The following TXNRD2 variants were observed in gnomAD, a reference collection of about 807,000 sequenced individuals.
TXNRD2 encodes thioredoxin reductase 2, also known as thioredoxin reductase 2, mitochondrial.
TXNRD2 carries 67 observed loss-of-function variants against 70.8 expected under a neutral mutation model. That is an observed-to-expected ratio of 0.95 (90% CI 0.78 to 1.16). The LOEUF is 1.16. Among genes scored for constraint, TXNRD2 ranks in the 50% most tolerant of loss-of-function variants. TXNRD2 has a pLI of 0.00. For missense variants in TXNRD2, 644 were observed against 719.9 expected (o/e 0.89, Z 1.21); for synonymous variants, 301 against 295.8 (o/e 1.02, Z -0.18).
intron 2 of TXNRD2, among the ~76,000 whole-genome samples, chr22:19,928,443 T>C (rs1323791023): frequency 1.3e-5 from 2 of 152,174 alleles, no homozygotes; most frequent in Non-Finnish European, 2.9e-5. Context: ...TCAAGGTCAT[T>C]ACCCTGAGTG....
At chr22:19,929,325 T>TAA (rs1941273306) in intron 2 of TXNRD2, among the ~76,000 whole-genome samples, 1 of 100,938 alleles carries the variant, frequency 9.9e-6, no homozygotes, top group Admixed American at 1.1e-4. Context: ...AGACTCCATC[T>TAA]CAAAAAAAAA....
chr22:19,885,543 CA>C (rs1044614339), intron 11 of TXNRD2, among the ~76,000 whole-genome samples: 4 of 152,358 alleles, frequency 2.6e-5, no homozygotes, highest in African/African-American at 7.2e-5. Context: ...AGCCCAGACA[CA>C]GGGGATGCCA....
chr22:19,880,143 G>A (rs754176910), intron 14 of TXNRD2, 36 bp downstream of exon 14: 45 of 1,602,070 alleles, frequency 2.8e-5, no homozygotes, highest in Non-Finnish European at 3.3e-5. Flanking sequence ...TCGTGGAGTC[G>A]CCACTGTCCT....
chr22:19,894,924 G>A lies in TXNRD2; in HGVS notation c.949+483C>T, dbSNP rs1939428022. On this transcript the variant is annotated intron_variant, in intron 11 of 17. Transcript: ENST00000400521. Reference sequence around the variant, plus strand: ...AATCGCTTGAACCCGGGAGGCGGAGGTTGCCACTGCACTCCAGCCTGGGCG... The same window carrying A: ...AATCGCTTGAACCCGGGAGGCGGAGATTGCCACTGCACTCCAGCCTGGGCG... 3 of 1,253,908 alleles carry A rather than the reference G, an allele frequency of 2.4e-6. No homozygotes were observed. In the East Asian group the frequency reaches 9.3e-5, roughly 39 times the overall value. The allele number at this position is 1,253,908 out of a possible 1,614,324, so 77.7% of individuals were successfully genotyped here.
In TXNRD2 at chr22:19,940,275, A is replaced by G. The variant is rs991495477; in HGVS notation, c.103+1426T>C. ...AAAAAAAAAAAAAAAAACCCCAAAA[A>G]AACAACTCATATGGTTTAGTAACAG... On this transcript the variant is annotated intron_variant, in intron 1 of 17. Coordinates refer to ENST00000400521, the MANE Select transcript of TXNRD2 (RefSeq NM_006440.5). Among the ~76,000 whole-genome samples the G allele has an allele frequency of 2.6e-4, 39 of 150,234 alleles. No individual in the cohort carries two copies. The East Asian group carries it at 7.4e-3, about 29-fold the overall frequency.
chr22:19,907,116 G>C (rs373929358), intron 8 of TXNRD2, among the ~76,000 whole-genome samples: 691 of 62,616 alleles, frequency 0.011, no homozygotes, highest in South Asian at 0.028. Context: ...TAGCAGTGAC[G>C]GCTCTCAGGA....
Position 19,883,364 on chromosome 22 carries a change from G to C in TXNRD2, c.1047C>G (p.Thr349=). ...CAATGGCGTAGATGTGGGGCACAGA[G>C]GTGGCTTCCCGGGAGTCCACCAGGA... ...QKILVDSREA[T]SVPHIYAIGD... Residue 349 remains threonine, a synonymous_variant, in exon 12 of 18, where the codon ACC becomes ACG. Transcript: ENST00000400521. 1 of 1,614,072 alleles carries C rather than the reference G, an allele frequency of 6.2e-7. No individual in the cohort carries two copies. Among genetic ancestry groups the C allele is most frequent in the South Asian group, 1.1e-5 (1 of 91,090 alleles).
intron 2 of TXNRD2, among the ~76,000 whole-genome samples, chr22:19,926,032 G>A (rs996711772): frequency 2.0e-5 from 3 of 151,732 alleles, no homozygotes; most frequent in Non-Finnish European, 4.4e-5. Context: ...GCGTGGTGGT[G>A]CATGCCTGTA....
intron 8 of TXNRD2, among the ~76,000 whole-genome samples, chr22:19,906,008 T>C (rs1352536089): frequency 6.6e-6 from 1 of 150,764 alleles, no homozygotes; most frequent in Non-Finnish European, 1.5e-5. Flanking sequence ...TTAAGTTACA[T>C]TAAAAAAAAC....
intron 11 of TXNRD2, among the ~76,000 whole-genome samples, chr22:19,884,956 C>T (rs1199381946): frequency 6.6e-6 from 1 of 152,184 alleles, no homozygotes; most frequent in Non-Finnish European, 1.5e-5. Context: ...CCAAACTACA[C>T]CGTGCCCATT....
chr22:19,880,107 G>C, intron 14 of TXNRD2, 72 bp downstream of exon 14: 1 of 1,511,190 alleles, frequency 6.6e-7, no homozygotes, highest in Non-Finnish European at 9.1e-7. Flanking sequence ...TGCTCACAAG[G>C]CCTCCGCCCA....
intron 7 of TXNRD2, among the ~76,000 whole-genome samples, chr22:19,912,950 G>GTGGCCTCT (rs1940480087): frequency 6.6e-6 from 1 of 152,214 alleles, no homozygotes; most frequent in South Asian, 2.1e-4. Context: ...CAGAGGTGGT[G>GTGGCCTCT]TGGCCTCCAG....
chr22:19,912,284 C>T (rs549766836), intron 7 of TXNRD2, among the ~76,000 whole-genome samples: 4 of 152,360 alleles, frequency 2.6e-5, no homozygotes, highest in Admixed American at 2.0e-4. Flanking sequence ...CAGGTTTACT[C>T]AAGGAAAACC....
chr22:19,904,354 G>A (rs1939910827), intron 8 of TXNRD2, among the ~76,000 whole-genome samples: 1 of 152,234 alleles, frequency 6.6e-6, no homozygotes, highest in Non-Finnish European at 1.5e-5. Context: ...GAAGTGCACT[G>A]TTTAATTCTG....
At chr22:19,894,519 CT>C in intron 11 of TXNRD2, 1 of 153,614 alleles carries the variant, frequency 6.5e-6, no homozygotes, top group Admixed American at 6.4e-5. Flanking sequence ...AATCCCAGCA[CT>C]TAGAAGGCTG....
intron 1 of TXNRD2, among the ~76,000 whole-genome samples, chr22:19,937,367 T>C (rs1182282534): frequency 1.3e-5 from 2 of 152,198 alleles, no homozygotes; most frequent in Non-Finnish European, 1.5e-5. Context: ...TTAAACAGGG[T>C]CACAATGAAT....
At chr22:19,911,701 C>T (rs1940420208) in intron 7 of TXNRD2, among the ~76,000 whole-genome samples, 1 of 152,174 alleles carries the variant, frequency 6.6e-6, no homozygotes, top group African/African-American at 2.4e-5. Context: ...TTCCCCAGGA[C>T]CCTCCCCTTG....
chr22:19,919,135 C>T (rs146277425), intron 3 of TXNRD2, 131 bp from the exon 4 acceptor site: 7 of 782,008 alleles, frequency 9.0e-6, no homozygotes, highest in East Asian at 5.4e-5. Flanking sequence ...ACATGCCACA[C>T]GAATCTGCTC....
At chr22:19,916,054 C>T (rs5748467) in intron 5 of TXNRD2, 2 of 561,000 alleles carry the variant, frequency 3.6e-6, no homozygotes, top group East Asian at 6.4e-5. Context: ...ATCCCAGGGA[C>T]ATGTTAACCA....
Sources: gnomAD v4.1 joint callset for allele counts (sites outside exome capture counted in the v4.1 genomes callset) on GRCh38, gnomAD v4.1.1 for gene constraint, MANE v1.5 for transcripts, NCBI Gene and HGNC (gene_info 2026-07-23, HGNC 2026-07-21) for gene names.